TMTC1: variants seen among roughly 807,000 people sequenced by gnomAD.
TMTC1 encodes the protein transmembrane O-mannosyltransferase targeting cadherins 1.
TMTC1 carries 73 observed loss-of-function variants against 104.8 expected under a neutral mutation model. The observed-to-expected ratio is 0.70, with a 90% confidence interval of 0.58 to 0.85. TMTC1 has a LOEUF of 0.85. TMTC1 is among the 40% of genes least tolerant of loss of function. The pLI, the probability that TMTC1 is intolerant of heterozygous loss-of-function variation, is 0.00. For missense variants in TMTC1, 1,035 were observed against 1,096.1 expected (o/e 0.94, Z 0.79); for synonymous variants, 434 against 428.7 (o/e 1.01, Z -0.15).
chr12:29,718,029 G>A (rs1942132253), intron 5 of TMTC1, among the ~76,000 whole-genome samples: 1 of 152,128 alleles, frequency 6.6e-6, no homozygotes, highest in South Asian at 2.1e-4. Context: ...CAGTTAAAAT[G>A]TCAAAATAAG....
intron 14 of TMTC1, 85 bp from the exon 15 acceptor site, chr12:29,516,571 C>T: frequency 7.0e-7 from 1 of 1,426,344 alleles, no homozygotes; most frequent in Non-Finnish European, 9.4e-7. Flanking sequence ...ATTCAGAACG[C>T]ACTCCTGACA....
Position 29,502,762 on chromosome 12 carries a change from C to T in TMTC1, c.*4084G>A, listed in dbSNP as rs1246716326. ...TCTATTATTTTGTAAAAGTTACAAG[C>T]TCCCATTCCAGGTGTCAGCCCTGTA... On this transcript the variant is annotated 3_prime_UTR_variant, in exon 18 of 18. Coordinates refer to ENST00000539277, the MANE Select transcript of TMTC1 (RefSeq NM_001193451.2). 3 of 152,194 alleles carry T rather than the reference C, an allele frequency of 2.0e-5. No homozygotes were observed. Among genetic ancestry groups the T allele is most frequent in the Non-Finnish European group, 4.4e-5 (3 of 68,032 alleles). 9.4% of individuals were successfully genotyped at this position (152,194 alleles called of 1,614,324 possible). A position where few individuals can be genotyped will look rare whatever the true frequency, so the allele number is the denominator to read the frequency against.
At chr12:29,615,754 A>C (rs1946960874) in intron 6 of TMTC1, among the ~76,000 whole-genome samples, 2 of 152,220 alleles carry the variant, frequency 1.3e-5, no homozygotes, top group Admixed American at 1.3e-4. Context: ...GCCTTGTTGA[A>C]AACTATAAAA....
intron 5 of TMTC1, among the ~76,000 whole-genome samples, chr12:29,700,440 T>C (rs1029017369): frequency 5.3e-5 from 8 of 151,916 alleles, no homozygotes; most frequent in African/African-American, 1.9e-4. Context: ...TGGCTTAATA[T>C]CCTCCCACCT....
intron 5 of TMTC1, among the ~76,000 whole-genome samples, chr12:29,735,126 C>T (rs535110935): frequency 6.6e-6 from 1 of 152,336 alleles, no homozygotes; most frequent in South Asian, 2.1e-4. Flanking sequence ...CAGCAACACA[C>T]ATTCAGCATA....
intron 5 of TMTC1, among the ~76,000 whole-genome samples, chr12:29,676,240 A>T (rs1940720869): frequency 6.6e-6 from 1 of 152,218 alleles, no homozygotes; most frequent in Non-Finnish European, 1.5e-5. Flanking sequence ...AATATTGGTT[A>T]GGACTTAATT....
intron 6 of TMTC1, among the ~76,000 whole-genome samples, chr12:29,617,569 AT>A (rs1033206811): frequency 2.0e-5 from 3 of 147,810 alleles, no homozygotes; most frequent in African/African-American, 8.0e-5. Context: ...AGAGAGAGAG[AT>A]AAAAACCCTG....
chr12:29,506,683 T>C lies in TMTC1; in HGVS notation c.*163A>G. 5 of 817,144 alleles carry C rather than the reference T, an allele frequency of 6.1e-6. No homozygotes were observed. In the South Asian group the frequency reaches 8.9e-5, roughly 15 times the overall value. The allele number at this position is 817,144 out of a possible 1,614,324, so 50.6% of individuals were successfully genotyped here. A position where few individuals can be genotyped will look rare whatever the true frequency, so the allele number is the denominator to read the frequency against. ...GTCTTCTTCATGGAAAAGCAAGTCC[T>C]TCAGCACTGGGCTACCAGCAGATGT... On this transcript the variant is annotated 3_prime_UTR_variant, in exon 18 of 18. Coordinates refer to ENST00000539277, the MANE Select transcript of TMTC1 (RefSeq NM_001193451.2).
At chr12:29,716,273 CA>C (rs1299093942) in intron 5 of TMTC1, among the ~76,000 whole-genome samples, 1 of 152,026 alleles carries the variant, frequency 6.6e-6, no homozygotes, top group Non-Finnish European at 1.5e-5. Context: ...CCACCTGCCT[CA>C]GGTTCCCAAA....
chr12:29,553,746 C>T (rs547494243), intron 10 of TMTC1, among the ~76,000 whole-genome samples: 2 of 152,166 alleles, frequency 1.3e-5, no homozygotes, highest in Non-Finnish European at 2.9e-5. Flanking sequence ...TTGCCAAGTT[C>T]CAAAATGCAT....
At chr12:29,514,907 G>T (rs537473247) in intron 15 of TMTC1, among the ~76,000 whole-genome samples, 3 of 152,100 alleles carry the variant, frequency 2.0e-5, no homozygotes, top group South Asian at 2.1e-4. Context: ...CCGGCTACTG[G>T]GGGGGCTGAG....
At chr12:29,714,466 G>A (rs1481874067) in intron 5 of TMTC1, among the ~76,000 whole-genome samples, 4 of 152,106 alleles carry the variant, frequency 2.6e-5, no homozygotes, top group African/African-American at 9.7e-5. Flanking sequence ...ACAAATGTGA[G>A]CCAAAACATA....
At chr12:29,644,000 A>G (rs1398546881) in intron 5 of TMTC1, among the ~76,000 whole-genome samples, 5 of 116,032 alleles carry the variant, frequency 4.3e-5, no homozygotes, top group Non-Finnish European at 8.2e-5. Flanking sequence ...TAATTTATAT[A>G]TAAATATAAA....
chr12:29,540,719 C>T (rs1354240202), intron 10 of TMTC1, among the ~76,000 whole-genome samples: 2 of 151,852 alleles, frequency 1.3e-5, no homozygotes, highest in South Asian at 2.1e-4. Context: ...GGCCAGGCAT[C>T]GTGGCTCACG....
chr12:29,518,424 T>G (rs1447181191), intron 13 of TMTC1, 48 bp downstream of exon 13: 5 of 1,593,414 alleles, frequency 3.1e-6, no homozygotes, highest in Non-Finnish European at 3.4e-6. Context: ...TGATGAGTGA[T>G]TGCTGAGGTT....
At chr12:29,603,703 T>G (rs1946625752) in intron 7 of TMTC1, among the ~76,000 whole-genome samples, 1 of 152,212 alleles carries the variant, frequency 6.6e-6, no homozygotes, top group South Asian at 2.1e-4. Flanking sequence ...TTTCTAGTTT[T>G]TAAATCATTG....
rs148448760 is a variant in TMTC1 at position 29,747,987 on chromosome 12, C to T, written c.938+3679G>A. ...CCTCTTCCAACTTTTATTTGCTTTA[C>T]CTGATCACCTTCTGACAAAAGTACA... is the stretch of plus-strand genomic sequence containing the variant. On this transcript the variant is annotated intron_variant, in intron 5 of 17. Coordinates refer to ENST00000539277, the MANE Select transcript of TMTC1 (RefSeq NM_001193451.2). Among the ~76,000 whole-genome samples the T allele has an allele frequency of 8.5e-5, 13 of 152,270 alleles. No individual in the cohort carries two copies. The East Asian group carries it at 1.5e-3, about 18-fold the overall frequency.
rs368814115 is a variant in TMTC1 at position 29,643,833 on chromosome 12, A to ATT, written c.939-10498_939-10497insAA. The stretch of plus-strand genomic sequence containing the variant: ...TATTTATATATATTTATATATTTAT[A>ATT]TATATTTATATATTTATATATATTT... On this transcript the variant is annotated intron_variant, in intron 5 of 17. Coordinates refer to ENST00000539277, the MANE Select transcript of TMTC1 (RefSeq NM_001193451.2). Among the ~76,000 whole-genome samples, 259 of 75,182 alleles carry ATT rather than the reference A, an allele frequency of 3.4e-3. 11 individuals are homozygous for ATT. The highest frequency in any genetic ancestry group is 9.3e-3 in the African/African-American group (178 of 19,226). The allele number at this position is 75,182 out of a possible 152,430, so 49.3% of individuals were successfully genotyped here.
intron 6 of TMTC1, among the ~76,000 whole-genome samples, chr12:29,622,598 T>C (rs1429805955): frequency 6.6e-6 from 1 of 152,242 alleles, no homozygotes; most frequent in African/African-American, 2.4e-5. Flanking sequence ...TCAGCCTTTG[T>C]GGCTTAAATA....
Sources: gnomAD v4.1 joint callset for allele counts (sites outside exome capture counted in the v4.1 genomes callset) on GRCh38, gnomAD v4.1.1 for gene constraint, MANE v1.5 for transcripts, NCBI Gene and HGNC (gene_info 2026-07-23, HGNC 2026-07-21) for gene names.